RASAL3: variants seen among roughly 807,000 people sequenced by gnomAD.
The protein encoded by RASAL3 is RAS protein activator like 3.
A neutral mutation model predicts 105.5 loss-of-function variants in RASAL3; 74 were observed. The observed-to-expected ratio is 0.70, with a 90% CI of 0.58 to 0.85. The LOEUF (loss-of-function observed/expected upper bound fraction) is 0.85, where lower values mean the gene tolerates loss of function less well. Among genes scored for constraint, RASAL3 ranks in the 40% least tolerant of loss-of-function variants. The probability of loss-of-function intolerance (pLI) is 0.00; values close to 1 mark genes in which losing one functional copy is unlikely to be tolerated. For synonymous variants in RASAL3, 579 were observed against 591.6 expected, an observed-to-expected ratio of 0.98 and a Z score of 0.31; for missense variants, 1,352 against 1,392.0, an observed-to-expected ratio of 0.97 and a Z score of 0.46.
chr19:15,453,577 AC>A lies in RASAL3; in HGVS notation c.2280-81del. On this transcript the variant is annotated intron_variant, in intron 14 of 17. Coordinates refer to ENST00000343625, the MANE Select transcript of RASAL3 (RefSeq NM_022904.3). The surrounding 1 kb of genome is among the most constrained non-coding windows in gnomAD (Gnocchi z 4.2). ...TCCCGACCTGACCAGAAGTGACCTC[AC>A]CCCCCACGTGAACTTGTCCTTTCTT... 6 of 1,316,060 alleles carry A rather than the reference AC, an allele frequency of 4.6e-6. No individual in the cohort carries two copies. Among genetic ancestry groups the A allele is most frequent in the Non-Finnish European group, 4.9e-6 (5 of 1,012,880 alleles). 81.5% of individuals were successfully genotyped at this position (1,316,060 alleles called of 1,614,324 possible).
In RASAL3 at chr19:15,454,342, C is replaced by G. The variant is rs1441144025; in HGVS notation, c.2160+19G>C. The stretch of plus-strand genomic sequence containing the variant: ...TCTCCCAAGCCTTCTTGCCTCCCTA[C>G]TCTGGGTTCAGGCCATACCTGGTCA... On this transcript the variant is annotated intron_variant, in intron 13 of 17. Transcript: ENST00000343625. The G allele has an allele frequency of 1.3e-6, 2 of 1,598,394 alleles. No homozygotes were observed. Among genetic ancestry groups the G allele is most frequent in the African/African-American group, 2.7e-5 (2 of 74,616 alleles).
At position 15,453,586 on chromosome 19, in the gene RASAL3, G is replaced by T; in HGVS notation, c.2280-89C>A. On this transcript the variant is annotated intron_variant, in intron 14 of 17. Transcript: ENST00000343625. This position sits in a 1 kb window ranked among gnomAD's most constrained non-coding sequence, Gnocchi z 4.2. Reference sequence around the variant, plus strand: ...GACCAGAAGTGACCTCACCCCCCACGTGAACTTGTCCTTTCTTTTTTTTTT... The same window carrying T: ...GACCAGAAGTGACCTCACCCCCCACTTGAACTTGTCCTTTCTTTTTTTTTT... The T allele has an allele frequency of 7.7e-7, 1 of 1,297,114 alleles. No homozygotes were observed. The highest frequency in any genetic ancestry group is 1.5e-5 in the South Asian group (1 of 64,904). 80.4% of individuals were successfully genotyped at this position (1,297,114 alleles called of 1,614,324 possible).
Position 15,456,663 on chromosome 19 carries a change from G to A in RASAL3, c.1432-17C>T, listed in dbSNP as rs1970330827. 1.2e-6 allele frequency: 2 copies of A among 1,608,334 alleles called. No individual in the cohort carries two copies. Among genetic ancestry groups the A allele is most frequent in the Non-Finnish European group, 1.7e-6 (2 of 1,178,642 alleles). ...CACCAGCGCCTAGGAAGGGCAGGAG[G>A]TCAGGTTGCACCAGATGCAGACAGA... is the stretch of plus-strand genomic sequence containing the variant. On this transcript the variant is annotated splice_polypyrimidine_tract_variant and intron_variant, in intron 9 of 17. Transcript: ENST00000343625. The surrounding 1 kb of genome is among the most constrained non-coding windows in gnomAD (Gnocchi z 4.4).
At chr19:15,461,682 G>C in intron 2 of RASAL3, 75 bp from the exon 3 acceptor site, 1 of 1,427,772 alleles carries the variant, frequency 7.0e-7, no homozygotes, top group South Asian at 1.6e-5. Flanking sequence ...CATTCCCGAA[G>C]GCTCATGGTG....
intron 14 of RASAL3, 67 bp downstream of exon 14, chr19:15,454,082 G>C: frequency 8.6e-7 from 1 of 1,158,504 alleles, no homozygotes. Context: ...CTTCACCTCT[G>C]ACCCCTGTCT....
rs778870432 is a variant in RASAL3 at position 15,458,374 on chromosome 19, C to G, written c.842G>C (p.Arg281Thr). Residue 281 changes from arginine to threonine, a missense_variant, in exon 8 of 18, where the codon AGA becomes ACA. Transcript: ENST00000343625. ...ACGAAGGTCCTCGATCCAGCGGTCT[C>G]TCTCAGCGGCCGAGCGACAAGAGAA... The part of the protein sequence containing the change: ...RCFSCRSAAE[R>T]DRWIEDLRRQ... 1 of 1,613,814 alleles carries G rather than the reference C, an allele frequency of 6.2e-7. No homozygotes were observed. The highest frequency in any genetic ancestry group is 1.3e-5 in the African/African-American group (1 of 74,918).
Position 15,453,558 on chromosome 19 carries a change from C to A in RASAL3, c.2280-61G>T. On this transcript the variant is annotated intron_variant, in intron 14 of 17. Coordinates refer to ENST00000343625, the MANE Select transcript of RASAL3 (RefSeq NM_022904.3). The surrounding 1 kb of genome is among the most constrained non-coding windows in gnomAD (Gnocchi z 4.2). ...GGCCCCTGAGACGACCCCATCCCGACCTGACCAGAAGTGACCTCACCCCCC... is the reference window on the plus strand; with the variant it reads ...GGCCCCTGAGACGACCCCATCCCGAACTGACCAGAAGTGACCTCACCCCCC... 6.9e-7 allele frequency: 1 copy of A among 1,441,914 alleles called. No homozygotes were observed. 89.3% of individuals were successfully genotyped at this position (1,441,914 alleles called of 1,614,324 possible). A position where few individuals can be genotyped will look rare whatever the true frequency, so the allele number is the denominator to read the frequency against.
chr19:15,464,393 G>T lies in RASAL3; in HGVS notation c.-19-16C>A, dbSNP rs1401643993. ...GGGGGGTCTCCTGGGGGACGAGAGA[G>T]TGACAGTAGTGCCCAGTGTCTGTCC... On this transcript the variant is annotated splice_polypyrimidine_tract_variant and intron_variant, in intron 1 of 17. Coordinates refer to ENST00000343625, the MANE Select transcript of RASAL3 (RefSeq NM_022904.3). The T allele has an allele frequency of 1.4e-6, 2 of 1,439,668 alleles. No individual in the cohort carries two copies. The highest frequency in any genetic ancestry group is 1.9e-6 in the Non-Finnish European group (2 of 1,039,468). The allele number at this position is 1,439,668 out of a possible 1,614,324, so 89.2% of individuals were successfully genotyped here.
Position 15,451,739 on chromosome 19 carries a change from C to G in RASAL3, c.*56G>C. 1 of 1,542,196 alleles carries G rather than the reference C, an allele frequency of 6.5e-7. No homozygotes were observed. The highest frequency in any genetic ancestry group is 8.8e-7 in the Non-Finnish European group (1 of 1,137,330). On this transcript the variant is annotated 3_prime_UTR_variant, in exon 18 of 18. Transcript: ENST00000343625. ...GCTAAGGCAAAGTCAGACACCCCCC[C>G]TAAGATGGCTATCTCTCTGCTCCCA...
chr19:15,455,920 G>A (rs1032422269), intron 11 of RASAL3, among the ~76,000 whole-genome samples, 184 bp downstream of exon 11: 2 of 152,158 alleles, frequency 1.3e-5, no homozygotes, highest in African/African-American at 4.8e-5. Context: ...TAAAGCATTG[G>A]GATTACGGGC....
intron 8 of RASAL3, 50 bp downstream of exon 8, chr19:15,458,278 C>T: frequency 6.5e-7 from 1 of 1,548,064 alleles, no homozygotes; most frequent in Non-Finnish European, 8.8e-7. Flanking sequence ...AAGGGGCGGG[C>T]CAGGCCTGTG....
In RASAL3 at chr19:15,457,314, A is replaced by G; in HGVS notation, c.1409T>C (p.Leu470Pro). ...EELAAAMVRVLRATGRAQALV... is the reference protein window; with the variant it reads ...EELAAAMVRVPRATGRAQALV... ...CACCTGCGCCCGGCCGGTGGCCCGC[A>G]GCACGCGCACCATGGCTGCCGCCAG... Residue 470 changes from leucine (L) to proline (P), a missense_variant, in exon 9 of 18, where the codon CTG becomes CCG. Physicochemically the swap from Leu to Pro is moderately conservative, Grantham distance 98 (BLOSUM62 -3). Coordinates refer to ENST00000343625, the MANE Select transcript of RASAL3 (RefSeq NM_022904.3). This position sits in a 1 kb window ranked among gnomAD's most constrained non-coding sequence, Gnocchi z 8.6. The G allele has an allele frequency of 7.6e-7, 1 of 1,320,918 alleles. No homozygotes were observed. The highest frequency in any genetic ancestry group is 3.3e-5 in the East Asian group (1 of 30,120). 81.8% of individuals were successfully genotyped at this position (1,320,918 alleles called of 1,614,324 possible).
chr19:15,464,479 GC>G, intron 1 of RASAL3, 25 bp downstream of exon 1: 5 of 978,034 alleles, frequency 5.1e-6, no homozygotes, highest in Non-Finnish European at 3.0e-6. Flanking sequence ...GAATCCCCCT[GC>G]CCCCACCTCC....
In RASAL3 at chr19:15,458,394, A is replaced by G; in HGVS notation, c.822T>C (p.Ser274=). 6.2e-7 allele frequency: 1 copy of G among 1,613,974 alleles called. No individual in the cohort carries two copies. Among genetic ancestry groups the G allele is most frequent in the Non-Finnish European group, 8.5e-7 (1 of 1,179,868 alleles). The change falls in exon 8 of 18, where the codon TCT becomes TCC. Residue 274 remains serine (S), a synonymous_variant. Transcript: ENST00000343625. ...VTWTGGSRCF[S]CRSAAERDRW... is the part of the protein sequence containing the mutation. ...GGTCTCTCTCAGCGGCCGAGCGACA[A>G]GAGAAGCAGCGGCTTCCACCCGTCC...
At position 15,457,688 on chromosome 19, in the gene RASAL3, G is replaced by C; in HGVS notation, c.1035C>G (p.Gly345=). ...GCTCGGCCCAGAAGAGCTGGCCTGGGCCGGCCCGAGGCGCCGTGCGTGCCA... is the reference window on the plus strand; with the variant it reads ...GCTCGGCCCAGAAGAGCTGGCCTGGCCCGGCCCGAGGCGCCGTGCGTGCCA... ...ALLARTAPRA[G]PGQLFWAERF... Residue 345 remains glycine, a synonymous_variant, in exon 9 of 18, where the codon GGC becomes GGG. Transcript: ENST00000343625. This position sits in a 1 kb window ranked among gnomAD's most constrained non-coding sequence, Gnocchi z 8.6. 1 of 1,454,650 alleles carries C rather than the reference G, an allele frequency of 6.9e-7. No homozygotes were observed. Among genetic ancestry groups the C allele is most frequent in the South Asian group, 1.3e-5 (1 of 74,126 alleles). The allele number at this position is 1,454,650 out of a possible 1,614,324, so 90.1% of individuals were successfully genotyped here.
At chr19:15,458,204 A>C (rs1346421632) in intron 8 of RASAL3, 124 bp downstream of exon 8, 7 of 847,022 alleles carry the variant, frequency 8.3e-6, no homozygotes, top group Admixed American at 4.4e-5. Context: ...CGTTGCAACG[A>C]TGCAGGCGGG....
chr19:15,457,299 C>T lies in RASAL3; in HGVS notation c.1424G>A (p.Arg475Gln). 7.7e-7 allele frequency: 1 copy of T among 1,298,414 alleles called. No homozygotes were observed. The highest frequency in any genetic ancestry group is 9.8e-7 in the Non-Finnish European group (1 of 1,024,346). 80.4% of individuals were successfully genotyped at this position (1,298,414 alleles called of 1,614,324 possible). Residue 475 changes from arginine to glutamine, a missense_variant, in exon 9 of 18, where the codon CGG (arginine) becomes CAG (glutamine). Arg to Gln is a conservative substitution (Grantham distance 43). This residue lies in a region of RASAL3 where 920 missense variants were observed against 919.6 expected (regional missense o/e 1.00). Coordinates refer to ENST00000343625, the MANE Select transcript of RASAL3 (RefSeq NM_022904.3). The surrounding 1 kb of genome is among the most constrained non-coding windows in gnomAD (Gnocchi z 8.6). Reference protein sequence around the residue: ...AMVRVLRATGRAQALVTDLGT... With the variant: ...AMVRVLRATGQAQALVTDLGT... The stretch of plus-strand genomic sequence containing the variant: ...GCTGTCGCGGTGCCGCACCTGCGCC[C>T]GGCCGGTGGCCCGCAGCACGCGCAC...
At chr19:15,462,976 G>A (rs1304985666) in intron 2 of RASAL3, among the ~76,000 whole-genome samples, 1 of 151,776 alleles carries the variant, frequency 6.6e-6, no homozygotes, top group African/African-American at 2.4e-5. Context: ...AAAATGCTGG[G>A]CCCTAGGCTA....
At position 15,461,261 on chromosome 19, in the gene RASAL3, G is replaced by C. The variant is rs377347063; in HGVS notation, c.501C>G (p.Ser167=). Residue 167 remains serine, a synonymous_variant, in exon 4 of 18, where the codon TCC becomes TCG. Coordinates refer to ENST00000343625, the MANE Select transcript of RASAL3 (RefSeq NM_022904.3). ...CCATGGCCACGTGGATGCTGCCCTC[G>C]GAGCTAGCACTTCCCACCCGGGGCC... The part of the protein sequence containing the change: ...PRRPRVGSAS[S]EGSIHVAMGN... 8 of 1,613,626 alleles carry C rather than the reference G, an allele frequency of 5.0e-6. No homozygotes were observed. In the East Asian group the frequency reaches 1.3e-4, roughly 27 times the overall value.
Sources: gnomAD v4.1 joint callset for allele counts (sites outside exome capture counted in the v4.1 genomes callset) on GRCh38, gnomAD v4.1.1 for gene constraint, gnomAD v4.1.1 regional missense constraint, Gnocchi (gnomAD v3.1) non-coding constraint, MANE v1.5 for transcripts, NCBI Gene and HGNC (gene_info 2026-07-23, HGNC 2026-07-21) for gene names.